Variants in PPARGC1A observed in about 807,000 individuals in gnomAD.
PPARGC1A encodes the protein peroxisome proliferator-activated receptor gamma coactivator 1-alpha.
A neutral mutation model predicts 88.7 loss-of-function variants in PPARGC1A; 25 were observed. The ratio of observed to expected loss-of-function variants is 0.28; its 90% CI spans 0.21 to 0.39. PPARGC1A has a LOEUF of 0.39. Ranked by LOEUF, PPARGC1A falls within the 10% of genes least tolerant of loss-of-function variation. PPARGC1A has a pLI of 1.00. For synonymous variants in PPARGC1A, 363 were observed against 355.6 expected (o/e 1.02, Z -0.24); for missense variants, 880 against 968.7 (o/e 0.91, Z 1.22).
chr4:24,343,650 T>C, the PPARGC1A span, among the ~76,000 whole-genome samples: 1 of 152,214 alleles, frequency 6.6e-6, no homozygotes, highest in Non-Finnish European at 1.5e-5. Context: ...AACCTGAAAC[T>C]TATTTGACTT....
the PPARGC1A span, among the ~76,000 whole-genome samples, chr4:23,956,536 A>G: frequency 6.6e-6 from 1 of 152,016 alleles, no homozygotes; most frequent in Non-Finnish European, 1.5e-5. Flanking sequence ...TTTTTCTGCC[A>G]CTAAAATATC....
At chr4:24,438,047 C>A in the PPARGC1A span, among the ~76,000 whole-genome samples, 1 of 152,156 alleles carries the variant, frequency 6.6e-6, no homozygotes, top group Non-Finnish European at 1.5e-5. Flanking sequence ...CAAGGAGCAG[C>A]ACAGGAGGGA....
chr4:24,192,855 G>A, the PPARGC1A span, among the ~76,000 whole-genome samples: 2 of 152,066 alleles, frequency 1.3e-5, no homozygotes, highest in African/African-American at 4.8e-5. Context: ...AAAATCTTAA[G>A]ATCTTTACAA....
chr4:24,432,525 C>T, the PPARGC1A span, among the ~76,000 whole-genome samples: 5 of 152,162 alleles, frequency 3.3e-5, no homozygotes, highest in Admixed American at 6.5e-5. Context: ...CTCCATTTAG[C>T]GATGCATAGA....
chr4:24,336,533 C>A, the PPARGC1A span, among the ~76,000 whole-genome samples: 1 of 152,052 alleles, frequency 6.6e-6, no homozygotes, highest in East Asian at 1.9e-4. Flanking sequence ...TGCCTTTTAT[C>A]CCTGTATTTT....
the PPARGC1A span, among the ~76,000 whole-genome samples, chr4:24,211,380 G>A: frequency 1.3e-5 from 2 of 152,182 alleles, no homozygotes; most frequent in Non-Finnish European, 2.9e-5. Flanking sequence ...TAACTAGAAA[G>A]GAAGCTGAAT....
the PPARGC1A span, among the ~76,000 whole-genome samples, chr4:23,971,545 T>TA: frequency 6.6e-6 from 1 of 152,156 alleles, no homozygotes; most frequent in South Asian, 2.1e-4. Flanking sequence ...CTCAAGAACT[T>TA]AGAGTCCGAT....
the PPARGC1A span, among the ~76,000 whole-genome samples, chr4:24,107,769 G>A: frequency 6.6e-6 from 1 of 152,178 alleles, no homozygotes; most frequent in Non-Finnish European, 1.5e-5. Context: ...GAGAGAGGGA[G>A]TGAAGTAATC....
In PPARGC1A at chr4:23,814,261, T is replaced by C. The variant is rs1305802161; in HGVS notation, c.1222A>G (p.Arg408Gly). 3 of 1,614,110 alleles carry C rather than the reference T, an allele frequency of 1.9e-6. No individual in the cohort carries two copies. The highest frequency in any genetic ancestry group is 2.5e-6 in the Non-Finnish European group (3 of 1,179,998). ...INISQELQDS[R>G]QLENKDVSSD... ...GAGACATCTTTATTTTCTAGTTGTC[T>C]AGAGTCTTGGAGCTCCTGTGATATA... Residue 408 changes from arginine (R) to glycine (G), a missense_variant, in exon 8 of 13, where the codon AGA (arginine) becomes GGA (glycine). Arg to Gly is a moderately radical substitution (Grantham distance 125). Coordinates refer to ENST00000264867, the MANE Select transcript of PPARGC1A (RefSeq NM_013261.5).
chr4:24,299,694 G>C, the PPARGC1A span, among the ~76,000 whole-genome samples: 1,066 of 152,132 alleles, frequency 7.0e-3, 6 homozygotes, highest in Non-Finnish European at 0.011. Context: ...AACAAACTAA[G>C]GACTAATTCA....
At chr4:24,263,885 G>C in the PPARGC1A span, among the ~76,000 whole-genome samples, 4 of 152,058 alleles carry the variant, frequency 2.6e-5, no homozygotes, top group East Asian at 7.7e-4. Context: ...GAGTAGCTGG[G>C]ATTACATGTG....
At chr4:24,426,872 CAG>C in the PPARGC1A span, among the ~76,000 whole-genome samples, 1 of 152,306 alleles carries the variant, frequency 6.6e-6, no homozygotes, top group South Asian at 2.1e-4. Context: ...AAAACATACA[CAG>C]AGAGCGGGCT....
chr4:23,945,145 T>C, the PPARGC1A span, among the ~76,000 whole-genome samples: 4 of 152,146 alleles, frequency 2.6e-5, no homozygotes, highest in African/African-American at 9.7e-5. Context: ...TCTCTCTCTC[T>C]ATCACTCAGA....
At chr4:24,386,231 A>G in the PPARGC1A span, among the ~76,000 whole-genome samples, 2 of 152,106 alleles carry the variant, frequency 1.3e-5, no homozygotes, top group Non-Finnish European at 2.9e-5. Context: ...AGGTATTGAC[A>G]GAATGTATCT....
the PPARGC1A span, among the ~76,000 whole-genome samples, chr4:24,311,291 C>T: frequency 6.8e-6 from 1 of 147,126 alleles, no homozygotes; most frequent in Non-Finnish European, 1.5e-5. Flanking sequence ...TTAGTAGCGA[C>T]GGTGTTTCAC....
the PPARGC1A span, among the ~76,000 whole-genome samples, chr4:24,324,668 A>T: frequency 1.3e-5 from 2 of 152,176 alleles, no homozygotes; most frequent in East Asian, 1.9e-4. Flanking sequence ...CAATTTTTCC[A>T]TCCTACAAGA....
chr4:24,422,069 G>C, the PPARGC1A span, among the ~76,000 whole-genome samples: 9 of 152,296 alleles, frequency 5.9e-5, no homozygotes, highest in Middle Eastern at 3.4e-3. Context: ...CTAAAGCAGG[G>C]GTCAGCAAAC....
chr4:24,295,184 G>T, the PPARGC1A span, among the ~76,000 whole-genome samples: 1 of 152,148 alleles, frequency 6.6e-6, no homozygotes, highest in South Asian at 2.1e-4. Flanking sequence ...AGATGTTTTT[G>T]TGTGTTTGTT....
the PPARGC1A span, among the ~76,000 whole-genome samples, chr4:23,913,063 C>G: frequency 6.7e-6 from 1 of 149,948 alleles, no homozygotes; most frequent in Non-Finnish European, 1.5e-5. Flanking sequence ...CCTCAGCCGC[C>G]CAAAGTGCTG....
Sources: gnomAD v4.1 joint callset for allele counts (sites outside exome capture counted in the v4.1 genomes callset) on GRCh38, gnomAD v4.1.1 for gene constraint, MANE v1.5 for transcripts, NCBI Gene and HGNC (gene_info 2026-07-23, HGNC 2026-07-21) for gene names.